PKIA: variants seen among roughly 807,000 people sequenced by gnomAD.
PKIA encodes the protein PKI-alpha.
PKIA carries 4 observed loss-of-function variants against 7.6 expected under a neutral mutation model. The ratio of observed to expected loss-of-function variants is 0.52; its 90% CI spans 0.26 to 1.20. The LOEUF is 1.20. Among genes scored for constraint, PKIA ranks in the 50% most tolerant of loss-of-function variants. The pLI is 0.13. For synonymous variants in PKIA, 21 were observed against 30.7 expected, an observed-to-expected ratio of 0.68 and a Z score of 1.04; for missense variants, 73 against 86.2, an observed-to-expected ratio of 0.85 and a Z score of 0.61.
intron 1 of PKIA, among the ~76,000 whole-genome samples, chr8:78,549,535 A>G (rs1806927707): frequency 6.6e-6 from 1 of 151,960 alleles, no homozygotes; most frequent in Non-Finnish European, 1.5e-5. Flanking sequence ...TAAAATTCAG[A>G]GTTCTAGATA....
At chr8:78,541,391 C>A (rs1331414916) in intron 1 of PKIA, among the ~76,000 whole-genome samples, 1 of 152,024 alleles carries the variant, frequency 6.6e-6, no homozygotes, top group East Asian at 1.9e-4. Flanking sequence ...GATACTGGAT[C>A]CCATATATAC....
At chr8:78,531,884 T>A (rs1359125489) in intron 1 of PKIA, among the ~76,000 whole-genome samples, 2 of 152,142 alleles carry the variant, frequency 1.3e-5, no homozygotes, top group Admixed American at 6.6e-5. Flanking sequence ...TAAGGACTTG[T>A]AAAGATTTCA....
chr8:78,575,521 A>T (rs1807652407), intron 2 of PKIA, among the ~76,000 whole-genome samples: 1 of 151,954 alleles, frequency 6.6e-6, no homozygotes, highest in Non-Finnish European at 1.5e-5. Flanking sequence ...TGTGTATATT[A>T]TCCTGTTGAT....
chr8:78,590,639 T>G (rs549303489), intron 2 of PKIA, among the ~76,000 whole-genome samples: 1 of 150,946 alleles, frequency 6.6e-6, no homozygotes, highest in South Asian at 2.1e-4. Context: ...ATGCCATACT[T>G]GTCACTATTT....
intron 2 of PKIA, among the ~76,000 whole-genome samples, chr8:78,585,843 G>A (rs1807938072): frequency 6.6e-6 from 1 of 152,268 alleles, no homozygotes; most frequent in Admixed American, 6.5e-5. Context: ...ACTCAGAAAA[G>A]AAAAGATCGC....
chr8:78,589,403 A>AT, intron 2 of PKIA, among the ~76,000 whole-genome samples: 1 of 152,230 alleles, frequency 6.6e-6, no homozygotes, highest in Non-Finnish European at 1.5e-5. Context: ...TTCTAAAGAA[A>AT]GATAGTACTT....
intron 2 of PKIA, among the ~76,000 whole-genome samples, chr8:78,597,893 T>C (rs6473108): frequency 0.022 from 3,398 of 152,046 alleles, 135 homozygotes; most frequent in African/African-American, 0.079. Flanking sequence ...GACGAGATCA[T>C]GTCTGTTGCA....
intron 1 of PKIA, among the ~76,000 whole-genome samples, chr8:78,527,674 T>G (rs1219317013): frequency 2.6e-5 from 4 of 152,092 alleles, no homozygotes; most frequent in Admixed American, 2.6e-4. Context: ...TTTAAGTATA[T>G]ATTTATCTGT....
At chr8:78,519,095 A>G (rs1252060350) in intron 1 of PKIA, among the ~76,000 whole-genome samples, 1 of 152,150 alleles carries the variant, frequency 6.6e-6, no homozygotes, top group South Asian at 2.1e-4. Context: ...ATTAGATGCT[A>G]AATGATTAGA....
intron 3 of PKIA, among the ~76,000 whole-genome samples, chr8:78,600,087 A>G (rs766118912): frequency 1.3e-4 from 19 of 151,624 alleles, no homozygotes; most frequent in Non-Finnish European, 1.5e-5. Flanking sequence ...ATATTTTTGC[A>G]TGTTAATTGC....
chr8:78,516,683 C>G (rs1347406188), intron 1 of PKIA, among the ~76,000 whole-genome samples: 1 of 152,208 alleles, frequency 6.6e-6, no homozygotes, highest in East Asian at 1.9e-4. Context: ...GTTCTTGCCT[C>G]TATACTCTTT....
chr8:78,543,161 T>G (rs981784187), intron 1 of PKIA, among the ~76,000 whole-genome samples: 1 of 152,172 alleles, frequency 6.6e-6, no homozygotes, highest in Non-Finnish European at 1.5e-5. Flanking sequence ...GAACCCTGGT[T>G]CCAGATATTT....
chr8:78,580,944 G>A lies in PKIA; in HGVS notation c.-28+8005G>A, dbSNP rs184264889. ...TGTGACTATATAACTGTAGATGAAC[G>A]TGTTTTCACATGTATGTATGTATGT... On this transcript the variant is annotated intron_variant, in intron 2 of 3. Coordinates refer to ENST00000396418, the MANE Select transcript of PKIA (RefSeq NM_006823.4). Among the ~76,000 whole-genome samples, 158 of 151,984 alleles carry A rather than the reference G, an allele frequency of 1.0e-3. 1 individual carries two copies. The highest frequency in any genetic ancestry group is 3.5e-3 in the African/African-American group (146 of 41,412).
chr8:78,528,884 A>G (rs1328909219), intron 1 of PKIA, among the ~76,000 whole-genome samples: 1 of 152,000 alleles, frequency 6.6e-6, no homozygotes, highest in Non-Finnish European at 1.5e-5. Flanking sequence ...ATTAAGTGTT[A>G]TATACTCATA....
In PKIA at chr8:78,582,301, C is replaced by T. The variant is rs557170794; in HGVS notation, c.-28+9362C>T. 1.8e-4 allele frequency among the ~76,000 whole-genome samples: 27 copies of T among 151,854 alleles called. 1 individual carries two copies. The East Asian group carries it at 3.3e-3, about 19-fold the overall frequency. On this transcript the variant is annotated intron_variant, in intron 2 of 3. Transcript: ENST00000396418. ...GAAGGAAAGAGGTTTAACTGAGTCA[C>T]AGTTCCACATTGCTGGAGAGGCCTC...
At chr8:78,536,660 A>G (rs189796984) in intron 1 of PKIA, among the ~76,000 whole-genome samples, 2 of 152,214 alleles carry the variant, frequency 1.3e-5, no homozygotes, top group Admixed American at 6.6e-5. Flanking sequence ...TTTTTCCTCA[A>G]AAAGCTGTGT....
intron 1 of PKIA, among the ~76,000 whole-genome samples, chr8:78,545,709 T>C (rs1806804473): frequency 6.6e-6 from 1 of 152,138 alleles, no homozygotes; most frequent in Admixed American, 6.6e-5. Context: ...AAGGGAGATT[T>C]AAAGTATTTT....
intron 1 of PKIA, among the ~76,000 whole-genome samples, chr8:78,517,914 A>G (rs1443588920): frequency 1.3e-5 from 2 of 152,188 alleles, no homozygotes. Context: ...AAAATTACAG[A>G]GACTGTCTGA....
At chr8:78,579,095 A>T (rs191649447) in intron 2 of PKIA, among the ~76,000 whole-genome samples, 48 of 152,042 alleles carry the variant, frequency 3.2e-4, no homozygotes, top group African/African-American at 1.1e-3. Flanking sequence ...TGTAGTCCAT[A>T]AGAAACTCTT....
Sources: gnomAD v4.1 joint callset for allele counts (sites outside exome capture counted in the v4.1 genomes callset) on GRCh38, gnomAD v4.1.1 for gene constraint, MANE v1.5 for transcripts, NCBI Gene and HGNC (gene_info 2026-07-23, HGNC 2026-07-21) for gene names.